CPN1: variants seen among roughly 807,000 people sequenced by gnomAD.
CPN1 encodes the protein carboxypeptidase N subunit 1, also known as carboxypeptidase N catalytic chain.
A neutral mutation model predicts 46.4 loss-of-function variants in CPN1; 37 were observed. That is an observed-to-expected ratio of 0.80 (90% CI 0.61 to 1.05). CPN1 has a LOEUF of 1.05. CPN1 is among the 50% of genes least tolerant of loss of function. The pLI, the probability that CPN1 is intolerant of heterozygous loss-of-function variation, is 0.00. For synonymous variants in CPN1, 224 were observed against 235.4 expected, an observed-to-expected ratio of 0.95 and a Z score of 0.44; for missense variants, 563 against 602.6, an observed-to-expected ratio of 0.93 and a Z score of 0.69.
chr10:100,077,026 G>A (rs1410397760), intron 1 of CPN1, among the ~76,000 whole-genome samples: 1 of 152,070 alleles, frequency 6.6e-6, no homozygotes, highest in Non-Finnish European at 1.5e-5. Context: ...TAAGAGGAAG[G>A]AGAAAAGCTC....
intron 1 of CPN1, among the ~76,000 whole-genome samples, chr10:100,078,852 G>A (rs972268046): frequency 6.6e-6 from 1 of 152,144 alleles, no homozygotes; most frequent in Non-Finnish European, 1.5e-5. Flanking sequence ...GAGGCCCTGC[G>A]TGATCTCCTG....
chr10:100,058,935 G>A lies in CPN1; in HGVS notation c.872-1783C>T, dbSNP rs573619455. On this transcript the variant is annotated intron_variant, in intron 5 of 8. Coordinates refer to ENST00000370418, the MANE Select transcript of CPN1 (RefSeq NM_001308.3). ...AAGAATGCCAAGACCATTCAATGGG[G>A]AAAGGACAGTCATGTCAACAAATGG... is the stretch of plus-strand genomic sequence containing the variant. Among the ~76,000 whole-genome samples, 6 of 152,268 alleles carry A rather than the reference G, an allele frequency of 3.9e-5. No individual in the cohort carries two copies. The South Asian group carries it at 1.2e-3, about 32-fold the overall frequency.
At position 100,042,488 on chromosome 10, in the gene CPN1, A is replaced by G; in HGVS notation, c.1316T>C (p.Val439Ala). The G allele has an allele frequency of 6.2e-7, 1 of 1,613,918 alleles. No individual in the cohort carries two copies. The highest frequency in any genetic ancestry group is 2.2e-5 in the East Asian group (1 of 44,848). ...PSRRHGVRAK[V>A]QPQARKKEME... ...TTCTTTCTTTCTGGCTTGGGGCTGC[A>G]CTTTGGCTCTGACTCCGTGCCTTCT... The change falls in exon 9 of 9, where the codon GTG (valine) becomes GCG (alanine). Residue 439 changes from valine (V) to alanine (A), a missense_variant. By Grantham distance (64) the Val-to-Ala change is moderately conservative. Coordinates refer to ENST00000370418, the MANE Select transcript of CPN1 (RefSeq NM_001308.3).
intron 2 of CPN1, among the ~76,000 whole-genome samples, chr10:100,071,343 C>T (rs1482691180): frequency 6.6e-6 from 1 of 152,150 alleles, no homozygotes; most frequent in Non-Finnish European, 1.5e-5. Flanking sequence ...ACTGGATGGG[C>T]GGCACGCTCT....
At chr10:100,052,307 G>A (rs934856170) in intron 7 of CPN1, among the ~76,000 whole-genome samples, 2 of 152,024 alleles carry the variant, frequency 1.3e-5, no homozygotes, top group African/African-American at 4.8e-5. Context: ...CTGAGCTCAG[G>A]CAATCCCCCC....
chr10:100,069,353 C>A (rs1263249143), intron 3 of CPN1, among the ~76,000 whole-genome samples: 1 of 152,018 alleles, frequency 6.6e-6, no homozygotes, highest in African/African-American at 2.4e-5. Flanking sequence ...TGGTGGTGTG[C>A]ATCTTTAATC....
intron 3 of CPN1, among the ~76,000 whole-genome samples, chr10:100,066,661 C>T (rs1370075653): frequency 6.6e-6 from 1 of 152,212 alleles, no homozygotes; most frequent in African/African-American, 2.4e-5. Flanking sequence ...TTACAGTCTA[C>T]AGCATTTTTC....
chr10:100,063,570 C>T (rs2041433774), intron 5 of CPN1, 44 bp downstream of exon 5: 1 of 1,347,106 alleles, frequency 7.4e-7, no homozygotes, highest in Non-Finnish European at 1.1e-6. Context: ...GAGAAATGAG[C>T]ACTATTCCAC....
Position 100,042,340 on chromosome 10 carries a change from T to A in CPN1, c.*87A>T. The A allele has an allele frequency of 1.3e-6, 2 of 1,525,602 alleles. No individual in the cohort carries two copies. The highest frequency in any genetic ancestry group is 1.4e-5 in the African/African-American group (1 of 73,204). 94.5% of individuals were successfully genotyped at this position (1,525,602 alleles called of 1,614,324 possible). A position where few individuals can be genotyped will look rare whatever the true frequency, so the allele number is the denominator to read the frequency against. ...CTGAATATGTTTGTATTTAAATATG[T>A]CCCAGATAATAAAATAGAAAGAATG... On this transcript the variant is annotated 3_prime_UTR_variant, in exon 9 of 9. Coordinates refer to ENST00000370418, the MANE Select transcript of CPN1 (RefSeq NM_001308.3).
chr10:100,061,151 A>G (rs1346426318), intron 5 of CPN1, among the ~76,000 whole-genome samples: 2 of 152,160 alleles, frequency 1.3e-5, no homozygotes, highest in African/African-American at 2.4e-5. Context: ...GAAAGAATGA[A>G]TGATAGCACA....
intron 6 of CPN1, among the ~76,000 whole-genome samples, chr10:100,056,696 C>T (rs1027906742): frequency 2.0e-5 from 3 of 151,278 alleles, no homozygotes; most frequent in African/African-American, 7.3e-5. Context: ...TCTACAGGAG[C>T]ATGCCACCAT....
chr10:100,047,124 T>C (rs1354828368), intron 8 of CPN1, among the ~76,000 whole-genome samples: 1 of 151,696 alleles, frequency 6.6e-6, no homozygotes, highest in African/African-American at 2.4e-5. Flanking sequence ...TAGTCCCAGC[T>C]ACTTGGAAAG....
At chr10:100,078,949 T>C (rs1260723272) in intron 1 of CPN1, among the ~76,000 whole-genome samples, 2 of 152,250 alleles carry the variant, frequency 1.3e-5, no homozygotes, top group African/African-American at 4.8e-5. Context: ...GCCCCCTTGC[T>C]GTTCCTCACA....
intron 5 of CPN1, among the ~76,000 whole-genome samples, chr10:100,063,118 T>G (rs934828938): frequency 6.6e-6 from 1 of 151,994 alleles, no homozygotes; most frequent in Non-Finnish European, 1.5e-5. Flanking sequence ...AGTTATTTTT[T>G]GTTTTTGTTT....
intron 1 of CPN1, among the ~76,000 whole-genome samples, chr10:100,079,257 C>T (rs2041531332): frequency 6.6e-6 from 1 of 152,238 alleles, no homozygotes; most frequent in South Asian, 2.1e-4. Flanking sequence ...AATTCGGGCC[C>T]ATGAGGGCAG....
intron 3 of CPN1, among the ~76,000 whole-genome samples, chr10:100,066,731 C>A (rs544435712): frequency 6.6e-6 from 1 of 152,228 alleles, no homozygotes. Flanking sequence ...ATGGCTCCTT[C>A]TGGACCAAGG....
chr10:100,079,431 T>G (rs1346782383), intron 1 of CPN1, among the ~76,000 whole-genome samples: 1 of 152,224 alleles, frequency 6.6e-6, no homozygotes, highest in Non-Finnish European at 1.5e-5. Flanking sequence ...GCTAGAGTCC[T>G]GTGAAAAAGC....
At chr10:100,075,401 GA>G (rs776147650) in intron 2 of CPN1, among the ~76,000 whole-genome samples, 6 of 152,172 alleles carry the variant, frequency 3.9e-5, no homozygotes, top group Non-Finnish European at 5.9e-5. Context: ...CAACTCTATG[GA>G]AATATAATAA....
Position 100,048,828 on chromosome 10 carries a change from A to G in CPN1, c.1160T>C (p.Val387Ala), listed in dbSNP as rs1332185342. The change falls in exon 8 of 9, where the codon GTT becomes GCT. Residue 387 changes from valine (V) to alanine (A), a missense_variant. By Grantham distance (64) the Val-to-Ala change is moderately conservative. Transcript: ENST00000370418. ...GTCATACCCAGGTGCTGTGGCACTAACAGTGTAGATACCTGGAAGCAGCAG... is the reference window on the plus strand; with the variant it reads ...GTCATACCCAGGTGCTGTGGCACTAGCAGTGTAGATACCTGGAAGCAGCAG... ...FRLLLPGIYTVSATAPGYDPE... is the reference protein window; with the variant it reads ...FRLLLPGIYTASATAPGYDPE... The G allele has an allele frequency of 6.2e-7, 1 of 1,614,018 alleles. No individual in the cohort carries two copies. Among genetic ancestry groups the G allele is most frequent in the Admixed American group, 1.7e-5 (1 of 60,024 alleles).
Sources: allele counts gnomAD v4.1 joint callset (sites outside exome capture counted in the v4.1 genomes callset), GRCh38; gene constraint gnomAD v4.1.1; transcripts MANE v1.5; gene names NCBI Gene and HGNC (gene_info 2026-07-23, HGNC 2026-07-21).